Variants in ABCA3 observed in about 807,000 individuals in gnomAD.
ABCA3 encodes phospholipid-transporting ATPase ABCA3.
In ABCA3, 88 loss-of-function variants were observed where a neutral mutation model predicts 172.8. The observed-to-expected ratio is 0.51, with a 90% CI of 0.43 to 0.61. The LOEUF (loss-of-function observed/expected upper bound fraction) is 0.61. Among genes scored for constraint, ABCA3 ranks in the 20% least tolerant of loss-of-function variants. The pLI, the probability that ABCA3 is intolerant of heterozygous loss-of-function variation, is 0.00. For synonymous variants in ABCA3, 1,066 were observed against 983.8 expected (o/e 1.08, Z -1.56); for missense variants, 2,164 against 2,301.0 (o/e 0.94, Z 1.22).
In ABCA3 at chr16:2,330,242, G is replaced by A. The variant is rs1304740738; in HGVS notation, c.-538-388C>T. ...CAGGAGGTGGAGGTTGCAGTGAACCGAGATGGTGCTAACTCAGAGTCATCA... is the reference window on the plus strand; with the variant it reads ...CAGGAGGTGGAGGTTGCAGTGAACCAAGATGGTGCTAACTCAGAGTCATCA... On this transcript the variant is annotated intron_variant, in intron 1 of 32. Coordinates refer to ENST00000301732, the MANE Select transcript of ABCA3 (RefSeq NM_001089.3). Among the ~76,000 whole-genome samples, 3 of 145,696 alleles carry A rather than the reference G, an allele frequency of 2.1e-5. 1 individual carries two copies. The Middle Eastern group carries it at 0.011, about 520-fold the overall frequency.
intron 17 of ABCA3, among the ~76,000 whole-genome samples, chr16:2,296,033 TATC>T (rs2093679246): frequency 6.6e-6 from 1 of 152,086 alleles, no homozygotes; most frequent in Non-Finnish European, 1.5e-5. Flanking sequence ...CAGGGAAGGA[TATC>T]ATCAGCAGCG....
intron 1 of ABCA3, among the ~76,000 whole-genome samples, chr16:2,330,597 G>A (rs1158941941): frequency 6.6e-6 from 1 of 151,770 alleles, no homozygotes; most frequent in African/African-American, 2.4e-5. Context: ...TGGGATGACA[G>A]GTGTGAGCCA....
chr16:2,324,258 G>A (rs186057340), intron 6 of ABCA3, 146 bp downstream of exon 6: 1 of 1,227,732 alleles, frequency 8.1e-7, no homozygotes, highest in Non-Finnish European at 1.1e-6. Context: ...GATATTATCA[G>A]ACCCAAAGGA....
intron 7 of ABCA3, among the ~76,000 whole-genome samples, chr16:2,321,966 G>A (rs1031291368): frequency 2.6e-5 from 4 of 152,128 alleles, no homozygotes; most frequent in African/African-American, 9.7e-5. Context: ...TTGGGAAGCC[G>A]AGGTGGGTGA....
At chr16:2,288,374 C>T in intron 20 of ABCA3, 45 bp from the exon 21 acceptor site, 1 of 1,526,384 alleles carries the variant, frequency 6.6e-7, no homozygotes, top group Non-Finnish European at 8.8e-7. Flanking sequence ...GCTTGGGGCC[C>T]AGCGCCTGAC....
At chr16:2,280,851 C>T (rs527358908) in intron 28 of ABCA3, among the ~76,000 whole-genome samples, 176 bp downstream of exon 28, 5 of 152,184 alleles carry the variant, frequency 3.3e-5, no homozygotes, top group African/African-American at 7.2e-5. Flanking sequence ...CTAGTTCTGG[C>T]GAAGCTTAGC....
chr16:2,316,972 A>G (rs1381232988), intron 10 of ABCA3, among the ~76,000 whole-genome samples: 3 of 152,224 alleles, frequency 2.0e-5, no homozygotes, highest in Non-Finnish European at 4.4e-5. Flanking sequence ...AGGAAAAATG[A>G]TCTTCAACGT....
Position 2,297,605 on chromosome 16 carries a change from G to A in ABCA3, c.2053-66C>T, listed in dbSNP as rs547354796. ...CACCCCGGGCCCAGGCTGGCCTTGC[G>A]GTAGGCCCCATCGAGGGGTTCGCGG... On this transcript the variant is annotated intron_variant, in intron 16 of 32. Transcript: ENST00000301732. This position sits in a 1 kb window ranked among gnomAD's most constrained non-coding sequence, Gnocchi z 5.6. 3.1e-5 allele frequency: 49 copies of A among 1,599,400 alleles called. No homozygotes were observed. In the East Asian group the frequency reaches 8.5e-4, roughly 28 times the overall value.
intron 26 of ABCA3, among the ~76,000 whole-genome samples, chr16:2,282,576 C>CA (rs1175988354): frequency 2.0e-5 from 3 of 150,428 alleles, no homozygotes; most frequent in Non-Finnish European, 3.0e-5. Context: ...ACACGTGGAG[C>CA]ACCCCTCAGC....
Position 2,276,805 on chromosome 16 carries a change from C to T in ABCA3, c.4984G>A (p.Val1662Ile). The change falls in exon 33 of 33, where the codon GTT becomes ATT. Residue 1662 changes from valine to isoleucine, a missense_variant and splice_region_variant. Physicochemically the swap from Val to Ile is conservative, Grantham distance 29. Around this residue, in one of 3 missense-constraint regions of ABCA3, gnomAD observed 795 missense variants for 881.9 expected, o/e 0.90. Transcript: ENST00000301732. Reference sequence around the variant, plus strand: ...TTGGCTTTCTCCAGAATACCGAAAACCTTTGGGGAGCAGAAAAGTCACTGG... The same window carrying T: ...TTGGCTTTCTCCAGAATACCGAAAATCTTTGGGGAGCAGAAAAGTCACTGG... ...LPGRDLSWAK[V>I]FGILEKAKEK... The T allele has an allele frequency of 6.2e-7, 1 of 1,613,734 alleles. No individual in the cohort carries two copies. The highest frequency in any genetic ancestry group is 2.2e-5 in the East Asian group (1 of 44,866).
At chr16:2,321,373 G>A (rs975014899) in intron 7 of ABCA3, among the ~76,000 whole-genome samples, 6 of 152,302 alleles carry the variant, frequency 3.9e-5, no homozygotes, top group Admixed American at 6.5e-5. Context: ...GACAGCCCTG[G>A]CACCAGTAAG....
rs1048794860 is a variant in ABCA3, at chr16:2,317,577, C to T, written c.990+71G>A. 5.0e-6 allele frequency: 8 copies of T among 1,593,786 alleles called. No individual in the cohort carries two copies. The African/African-American group carries it at 1.1e-4, about 21-fold the overall frequency. Reference sequence around the variant, plus strand: ...TGAAGTCTCTGACCACAAAGTTCTTCCCAAGAGGGCCCTCCTGGGGTGCCC... The same window carrying T: ...TGAAGTCTCTGACCACAAAGTTCTTTCCAAGAGGGCCCTCCTGGGGTGCCC... On this transcript the variant is annotated intron_variant, in intron 9 of 32. Transcript: ENST00000301732.
chr16:2,290,911 C>T (rs2093671022), intron 19 of ABCA3, among the ~76,000 whole-genome samples: 1 of 152,200 alleles, frequency 6.6e-6, no homozygotes, highest in Admixed American at 6.5e-5. Context: ...GCTCTGTCCC[C>T]CAGGGTGGAG....
At chr16:2,298,875 A>C (rs1324552144) in intron 14 of ABCA3, among the ~76,000 whole-genome samples, 2 of 152,156 alleles carry the variant, frequency 1.3e-5, no homozygotes, top group Non-Finnish European at 2.9e-5. Flanking sequence ...ACAGAGTGAA[A>C]TGCCAGTGGC....
At position 2,283,252 on chromosome 16, in the gene ABCA3, G is replaced by A; in HGVS notation, c.3969C>T (p.Leu1323=). The change falls in exon 26 of 33, where the codon CTC becomes CTT. Residue 1323 remains leucine (L), a synonymous_variant. Coordinates refer to ENST00000301732, the MANE Select transcript of ABCA3 (RefSeq NM_001089.3). The surrounding 1 kb of genome is among the most constrained non-coding windows in gnomAD (Gnocchi z 5.4). ...GTCTCTGAAGCAGGTTGGTCTCGAT[G>A]AGGAAGAGCAGGATGAGGTAGGCGC... ...SGCAYLILLF[L]IETNLLQRLR... is the part of the protein sequence containing the mutation. 4 of 1,613,486 alleles carry A rather than the reference G, an allele frequency of 2.5e-6. No individual in the cohort carries two copies. Among genetic ancestry groups the A allele is most frequent in the Non-Finnish European group, 3.4e-6 (4 of 1,179,988 alleles).
At chr16:2,316,490 CAAAAAAAAAAAAAAAA>C (rs71148128) in intron 10 of ABCA3, among the ~76,000 whole-genome samples, 8 of 28,872 alleles carry the variant, frequency 2.8e-4, no homozygotes, top group South Asian at 1.1e-3. Context: ...ACTAAAAATG[CAAAAAAAAAAAAAAAA>C]AAAAAAAAAA....
chr16:2,337,122 C>G (rs1321618059), intron 1 of ABCA3, among the ~76,000 whole-genome samples: 1 of 151,264 alleles, frequency 6.6e-6, no homozygotes, highest in Non-Finnish European at 1.5e-5. Context: ...ACTATGTTGC[C>G]CAGACTGTTC....
At chr16:2,306,459 G>A (rs538680403) in intron 11 of ABCA3, among the ~76,000 whole-genome samples, 1 of 152,344 alleles carries the variant, frequency 6.6e-6, no homozygotes, top group African/African-American at 2.4e-5. Context: ...CCGTTCTAAT[G>A]AAAGACAAAG....
chr16:2,297,478 T>A lies in ABCA3; in HGVS notation c.2114A>T (p.Asp705Val). The A allele has an allele frequency of 6.2e-7, 1 of 1,613,642 alleles. No individual in the cohort carries two copies. Among genetic ancestry groups the A allele is most frequent in the Non-Finnish European group, 8.5e-7 (1 of 1,180,020 alleles). The change falls in exon 17 of 33, where the codon GAT becomes GTT. Residue 705 changes from aspartate to valine, a missense_variant. Asp to Val is a radical substitution (Grantham distance 152). This residue lies in a region of ABCA3 where 1,343 missense variants were observed against 1,369.6 expected (regional missense o/e 0.98). Coordinates refer to ENST00000301732, the MANE Select transcript of ABCA3 (RefSeq NM_001089.3). This position sits in a 1 kb window ranked among gnomAD's most constrained non-coding sequence, Gnocchi z 5.6. Reference protein sequence around the residue: ...MDAISRRAIWDLLQRQKSDRT... With the variant: ...MDAISRRAIWVLLQRQKSDRT... Reference sequence around the variant, plus strand: ...GTCACTTTTCTGCCGCTGAAGAAGATCCCAGATGGCCCTCCTGGAGATGGC... The same window carrying A: ...GTCACTTTTCTGCCGCTGAAGAAGAACCCAGATGGCCCTCCTGGAGATGGC...
Sources: gnomAD v4.1 joint callset for allele counts (sites outside exome capture counted in the v4.1 genomes callset) on GRCh38, gnomAD v4.1.1 for gene constraint, gnomAD v4.1.1 regional missense constraint, Gnocchi (gnomAD v3.1) non-coding constraint, MANE v1.5 for transcripts, NCBI Gene and HGNC (gene_info 2026-07-23, HGNC 2026-07-21) for gene names.